NLGN1: variants seen among roughly 807,000 people sequenced by gnomAD.
The protein encoded by NLGN1 is neuroligin 1, also known as neuroligin-1.
In NLGN1, 12 loss-of-function variants were observed where a neutral mutation model predicts 65.5. That is an observed-to-expected ratio of 0.18 (90% CI 0.12 to 0.30). The LOEUF (loss-of-function observed/expected upper bound fraction) is 0.30. Among genes scored for constraint, NLGN1 ranks in the 10% least tolerant of loss-of-function variants. NLGN1 has a pLI of 1.00. For synonymous variants in NLGN1, 350 were observed against 359.5 expected (o/e 0.97, Z 0.30); for missense variants, 750 against 1,007.1 (o/e 0.74, Z 3.46).
At chr3:173,608,578 A>ATCTCTATTT (rs1751761536) in intron 3 of NLGN1, among the ~76,000 whole-genome samples, 1 of 151,926 alleles carries the variant, frequency 6.6e-6, no homozygotes, top group Non-Finnish European at 1.5e-5. Context: ...GTAAGAAGGT[A>ATCTCTATTT]GACTCTGAAA....
intron 4 of NLGN1, among the ~76,000 whole-genome samples, chr3:174,142,518 G>A (rs536778039): frequency 2.0e-4 from 30 of 152,104 alleles, no homozygotes; most frequent in Non-Finnish European, 4.0e-4. Flanking sequence ...AAATTTTCTG[G>A]TTTGTTTCAA....
At chr3:173,869,447 A>C (rs1336123716) in intron 4 of NLGN1, among the ~76,000 whole-genome samples, 1 of 152,156 alleles carries the variant, frequency 6.6e-6, no homozygotes. Context: ...GCCAATGGCA[A>C]AGGTTGTTTG....
intron 4 of NLGN1, among the ~76,000 whole-genome samples, chr3:174,100,807 A>G (rs1355738421): frequency 2.0e-5 from 3 of 151,680 alleles, no homozygotes; most frequent in Non-Finnish European, 4.4e-5. Context: ...AAGTAAAGTG[A>G]CCATTTTTTT....
At position 173,798,256 on chromosome 3, in the gene NLGN1, A is replaced by G. The variant is rs573760876; in HGVS notation, c.494-9424A>G. Reference sequence around the variant, plus strand: ...TAGATAGTGGTTTTGGCAGCAATAAATGCCACTGCATTTAAATTGTGTTGC... The same window carrying G: ...TAGATAGTGGTTTTGGCAGCAATAAGTGCCACTGCATTTAAATTGTGTTGC... On this transcript the variant is annotated intron_variant, in intron 3 of 6. Coordinates refer to ENST00000457714, the Ensembl canonical transcript of NLGN1. 1.9e-3 allele frequency among the ~76,000 whole-genome samples: 292 copies of G among 152,286 alleles called. 4 individuals are homozygous for G. The highest frequency in any genetic ancestry group is 0.01 in the Middle Eastern group (3 of 294).
chr3:173,820,127 G>A (rs1199595356), intron 4 of NLGN1, among the ~76,000 whole-genome samples: 3 of 151,416 alleles, frequency 2.0e-5, no homozygotes, highest in Admixed American at 1.3e-4. Flanking sequence ...TGCAGTGAGC[G>A]GAGATGGCGC....
chr3:174,128,915 T>C (rs1719537102), intron 4 of NLGN1, among the ~76,000 whole-genome samples: 1 of 152,106 alleles, frequency 6.6e-6, no homozygotes, highest in Non-Finnish European at 1.5e-5. Context: ...AAAATAGAAA[T>C]GGGAAACAAA....
At chr3:173,898,672 A>T (rs1377410493) in intron 4 of NLGN1, among the ~76,000 whole-genome samples, 2 of 152,160 alleles carry the variant, frequency 1.3e-5, no homozygotes, top group African/African-American at 2.4e-5. Flanking sequence ...TTAACTAGGG[A>T]CTTATTCATT....
At chr3:173,821,731 C>G (rs944040741) in intron 4 of NLGN1, among the ~76,000 whole-genome samples, 3 of 151,942 alleles carry the variant, frequency 2.0e-5, no homozygotes, top group Non-Finnish European at 4.4e-5. Context: ...TAACTTTTTC[C>G]CTGATTCCAA....
chr3:173,818,167 A>G (rs1408149972), intron 4 of NLGN1, among the ~76,000 whole-genome samples: 1 of 152,196 alleles, frequency 6.6e-6, no homozygotes, highest in Non-Finnish European at 1.5e-5. Flanking sequence ...ATTGGTGTTT[A>G]CAATGTTAAA....
At chr3:173,651,099 C>G (rs901035609) in intron 3 of NLGN1, among the ~76,000 whole-genome samples, 2 of 151,898 alleles carry the variant, frequency 1.3e-5, no homozygotes, top group African/African-American at 4.8e-5. Context: ...TCCTACCCCT[C>G]CAAGTCTCCA....
chr3:173,961,308 C>T (rs1050835791), intron 4 of NLGN1, among the ~76,000 whole-genome samples: 3 of 151,924 alleles, frequency 2.0e-5, no homozygotes, highest in Non-Finnish European at 2.9e-5. Flanking sequence ...TGTAGGAGGA[C>T]CTTAAAAAAT....
intron 2 of NLGN1, among the ~76,000 whole-genome samples, chr3:173,463,643 T>C (rs1284718548): frequency 6.6e-6 from 1 of 152,200 alleles, no homozygotes. Flanking sequence ...CAAAGTGTGA[T>C]AAGAGGATCC....
At chr3:173,574,975 C>A (rs1745280009) in intron 2 of NLGN1, among the ~76,000 whole-genome samples, 1 of 152,210 alleles carries the variant, frequency 6.6e-6, no homozygotes, top group African/African-American at 2.4e-5. Flanking sequence ...GCCTCCAACT[C>A]CTGGGCTTGA....
chr3:173,894,010 T>C (rs1735871351), intron 4 of NLGN1, among the ~76,000 whole-genome samples: 1 of 152,180 alleles, frequency 6.6e-6, no homozygotes, highest in Non-Finnish European at 1.5e-5. Flanking sequence ...ACTTTCACAC[T>C]TTCCCTTACT....
chr3:173,605,015 G>A, exon 3 of NLGN1: 2 of 1,613,252 alleles, frequency 1.2e-6, no homozygotes, highest in Non-Finnish European at 1.7e-6. Flanking sequence ...CTAATAACTT[G>A]GATGTGGTTT....
chr3:173,774,796 G>A (rs1057167466), intron 3 of NLGN1, among the ~76,000 whole-genome samples: 1 of 151,908 alleles, frequency 6.6e-6, no homozygotes, highest in Admixed American at 6.6e-5. Flanking sequence ...GGGAGTGAGA[G>A]GATTTGCACC....
intron 3 of NLGN1, among the ~76,000 whole-genome samples, chr3:173,664,431 T>C (rs1761415787): frequency 6.6e-6 from 1 of 152,102 alleles, no homozygotes; most frequent in South Asian, 2.1e-4. Context: ...AAAATCACTT[T>C]ATTGTGCATG....
chr3:173,807,842 GTC>G lies in NLGN1; in HGVS notation c.646+16_646+17del, dbSNP rs1491287895. On this transcript the variant is annotated intron_variant, in intron 4 of 6. Transcript: ENST00000457714. ...CGACTTGGAGTACTCGGTAAGAAGA[GTC>G]TCTCTTTTGTTTTCACCATGAATCC... The G allele has an allele frequency of 2.9e-5, 47 of 1,611,646 alleles. No individual in the cohort carries two copies. The highest frequency in any genetic ancestry group is 3.8e-5 in the Non-Finnish European group (45 of 1,177,892).
At chr3:173,880,388 TTAATAAA>T (rs1444440683) in intron 4 of NLGN1, among the ~76,000 whole-genome samples, 3 of 151,754 alleles carry the variant, frequency 2.0e-5, no homozygotes, top group African/African-American at 7.2e-5. Flanking sequence ...TTTATTTTAA[TTAATAAA>T]TAAAAATAAT....
Sources: gnomAD v4.1 joint callset for allele counts (sites outside exome capture counted in the v4.1 genomes callset) on GRCh38, gnomAD v4.1.1 for gene constraint, MANE v1.5 for transcripts, NCBI Gene and HGNC (gene_info 2026-07-23, HGNC 2026-07-21) for gene names.